TPMT: variants seen among roughly 807,000 people sequenced by gnomAD.
TPMT encodes the protein S-adenosyl-L-methionine:thiopurine S-methyltransferase.
A neutral mutation model predicts 34.2 loss-of-function variants in TPMT; 18 were observed. The ratio of observed to expected loss-of-function variants is 0.53; its 90% CI spans 0.36 to 0.78. TPMT has a LOEUF of 0.78. Among genes scored for constraint, TPMT ranks in the 30% least tolerant of loss-of-function variants. The probability of loss-of-function intolerance (pLI) is 0.00; values close to 1 mark genes in which losing one functional copy is unlikely to be tolerated. For missense variants in TPMT, 265 were observed against 288.1 expected, an observed-to-expected ratio of 0.92 and a Z score of 0.58; for synonymous variants, 69 against 92.4, an observed-to-expected ratio of 0.75 and a Z score of 1.45.
intron 6 of TPMT, among the ~76,000 whole-genome samples, chr6:18,134,319 G>A (rs1460129759): frequency 6.6e-6 from 1 of 152,232 alleles, no homozygotes; most frequent in African/African-American, 2.4e-5. Context: ...CCCACAGACC[G>A]ATGCAGTTAG....
intron 1 of TPMT, among the ~76,000 whole-genome samples, chr6:18,152,541 C>A (rs997791809): frequency 6.6e-6 from 1 of 151,706 alleles, no homozygotes; most frequent in Non-Finnish European, 1.5e-5. Context: ...CAATAAAATT[C>A]AAAGCCTCTC....
chr6:18,142,478 T>A (rs1343612621), intron 4 of TPMT, among the ~76,000 whole-genome samples: 1 of 152,110 alleles, frequency 6.6e-6, no homozygotes, highest in Non-Finnish European at 1.5e-5. Flanking sequence ...CCAGCTTCCC[T>A]GTGCCAACAG....
At chr6:18,147,561 G>A (rs1446727405) in intron 3 of TPMT, among the ~76,000 whole-genome samples, 1 of 152,054 alleles carries the variant, frequency 6.6e-6, no homozygotes, top group Non-Finnish European at 1.5e-5. Context: ...AATGTAAAAG[G>A]GAAGGCTGTT....
rs771367866 is a variant in TPMT at position 18,132,119 on chromosome 6, G to C, written c.625+14C>G. ...CTTTGTTTAAAAAGTTACAGCATAA[G>C]TCCACAAACTTACCAAACAACCTTT... On this transcript the variant is annotated intron_variant, in intron 8 of 8. Coordinates refer to ENST00000309983, the MANE Select transcript of TPMT (RefSeq NM_000367.5). This position sits in a 1 kb window ranked among gnomAD's most constrained non-coding sequence, Gnocchi z 4.8. 3.1e-6 allele frequency: 5 copies of C among 1,613,878 alleles called. No individual in the cohort carries two copies. The East Asian group carries it at 8.9e-5, about 29-fold the overall frequency.
intron 1 of TPMT, among the ~76,000 whole-genome samples, chr6:18,151,898 G>C (rs961986903): frequency 6.6e-6 from 1 of 152,178 alleles, no homozygotes; most frequent in Non-Finnish European, 1.5e-5. Context: ...CCAGCATCCA[G>C]TTTGCTGTAT....
Position 18,153,033 on chromosome 6 carries a change from C to T in TPMT, c.-45+2000G>A, listed in dbSNP as rs1784383947. Among the ~76,000 whole-genome samples the T allele has an allele frequency of 6.6e-6, 1 of 152,170 alleles. No homozygotes were observed. The highest frequency in any genetic ancestry group is 6.5e-5 in the Admixed American group (1 of 15,282). On this transcript the variant is annotated intron_variant, in intron 1 of 8. Transcript: ENST00000309983. This position sits in a 1 kb window ranked among gnomAD's most constrained non-coding sequence, Gnocchi z 4.2. ...ACCGCCATTTTTTGTGCATGGTACC[C>T]ATGAAGCTCAATTACTCATGGGTAC...
chr6:18,143,692 T>A lies in TPMT; in HGVS notation c.270A>T (p.Glu90Asp). 1 of 1,614,118 alleles carries A rather than the reference T, an allele frequency of 6.2e-7. No homozygotes were observed. Among genetic ancestry groups the A allele is most frequent in the South Asian group, 1.1e-5 (1 of 91,084 alleles). The change falls in exon 4 of 9, where the codon GAA (glutamate) becomes GAT (aspartate). Residue 90 changes from glutamate to aspartate, a missense_variant. By Grantham distance (45) the Glu-to-Asp change is conservative. Coordinates refer to ENST00000309983, the MANE Select transcript of TPMT (RefSeq NM_000367.5). This position sits in a 1 kb window ranked among gnomAD's most constrained non-coding sequence, Gnocchi z 6.1. ...ATTCTTGTATCCCAAGTTCACTGATTTCCACACCAACTACACTGTGTCCCC... is the reference window on the plus strand; with the variant it reads ...ATTCTTGTATCCCAAGTTCACTGATATCCACACCAACTACACTGTGTCCCC... ...ADRGHSVVGV[E>D]ISELGIQEFF...
intron 1 of TPMT, among the ~76,000 whole-genome samples, chr6:18,152,588 T>C (rs1444541079): frequency 6.6e-6 from 1 of 150,672 alleles, no homozygotes; most frequent in East Asian, 1.9e-4. Context: ...CTTTTCTTTC[T>C]TTCTTTTTTT....
chr6:18,137,846 C>T (rs546834991), intron 6 of TPMT, among the ~76,000 whole-genome samples: 88 of 152,246 alleles, frequency 5.8e-4, no homozygotes, highest in African/African-American at 2.1e-3. Flanking sequence ...AGTGCAATGG[C>T]GCCATCTTGG....
chr6:18,137,781 CTTTAT>C (rs1257517867), intron 6 of TPMT, among the ~76,000 whole-genome samples: 2 of 151,990 alleles, frequency 1.3e-5, no homozygotes, highest in Non-Finnish European at 2.9e-5. Flanking sequence ...TGAGTGTGGA[CTTTAT>C]TTTATTTCAT....
rs372287048 is a variant in TPMT at position 18,147,891 on chromosome 6, A to G, written c.165T>C (p.Thr55=). The change falls in exon 3 of 9, where the codon ACT becomes ACC. Residue 55 remains threonine (T), a synonymous_variant. Transcript: ENST00000309983. ...GHQLLKKHLD[T]FLKGKSGLRV... is the part of the protein sequence containing the mutation. ...TCAGTCCACTCTTGCCTTTAAGGAA[A>G]GTATCTAAATGCTTCTTTAATAGCC... 1 of 1,613,930 alleles carries G rather than the reference A, an allele frequency of 6.2e-7. No homozygotes were observed. The highest frequency in any genetic ancestry group is 1.3e-5 in the African/African-American group (1 of 75,040).
chr6:18,132,069 G>A lies in TPMT; in HGVS notation c.625+64C>T, dbSNP rs116475442. On this transcript the variant is annotated intron_variant, in intron 8 of 8. Transcript: ENST00000309983. This position sits in a 1 kb window ranked among gnomAD's most constrained non-coding sequence, Gnocchi z 4.8. ...TGGAAATACAGGCATGAGCCAGCAC[G>A]CCAGGCCCAAAAGAGTTAACTTGAC... 2,271 of 1,568,342 alleles carry A rather than the reference G, an allele frequency of 1.4e-3. 27 individuals carry two copies. In the African/African-American group the frequency reaches 0.026, roughly 18 times the overall value.
At position 18,136,587 on chromosome 6, in the gene TPMT, C is replaced by T. The variant is rs140611783; in HGVS notation, c.494+2376G>A. On this transcript the variant is annotated intron_variant, in intron 6 of 8. Transcript: ENST00000309983. The surrounding 1 kb of genome is among the most constrained non-coding windows in gnomAD (Gnocchi z 4.7). ...CACCGGGTGGCCGAGGCGGGTGGAT[C>T]AGCTGGGGTCCGGAGTTCGAGACCA... Among the ~76,000 whole-genome samples, 289 of 152,270 alleles carry T rather than the reference C, an allele frequency of 1.9e-3. 1 individual carries two copies. The highest frequency in any genetic ancestry group is 6.6e-3 in the African/African-American group (274 of 41,546).
Position 18,146,881 on chromosome 6 carries a change from A to T in TPMT, c.233+942T>A, listed in dbSNP as rs1433443660. Among the ~76,000 whole-genome samples the T allele has an allele frequency of 1.3e-5, 2 of 152,052 alleles. No individual in the cohort carries two copies. The highest frequency in any genetic ancestry group is 2.9e-5 in the Non-Finnish European group (2 of 68,010). Reference sequence around the variant, plus strand: ...ATCAACTCCCAAAAAATGCATGCATACTCTGCGTTAGTCACCGATATTTAT... The same window carrying T: ...ATCAACTCCCAAAAAATGCATGCATTCTCTGCGTTAGTCACCGATATTTAT... On this transcript the variant is annotated intron_variant, in intron 3 of 8. Coordinates refer to ENST00000309983, the MANE Select transcript of TPMT (RefSeq NM_000367.5). The surrounding 1 kb of genome is among the most constrained non-coding windows in gnomAD (Gnocchi z 6.2).
rs965144050 is a variant in TPMT at position 18,143,162 on chromosome 6, C to A, written c.366+434G>T. On this transcript the variant is annotated intron_variant, in intron 4 of 8. Transcript: ENST00000309983. This position sits in a 1 kb window ranked among gnomAD's most constrained non-coding sequence, Gnocchi z 6.1. ...AACTCCCATCTCTTCCCTTAATACC[C>A]TGTGTCTTTACACTTAGCTCCATGC... is the stretch of plus-strand genomic sequence containing the variant. 6.6e-6 allele frequency among the ~76,000 whole-genome samples: 1 copy of A among 152,200 alleles called. No homozygotes were observed. The highest frequency in any genetic ancestry group is 2.4e-5 in the African/African-American group (1 of 41,452).
rs868634125 is a variant in TPMT at position 18,132,120 on chromosome 6, T to G, written c.625+13A>C. On this transcript the variant is annotated intron_variant, in intron 8 of 8. Transcript: ENST00000309983. The surrounding 1 kb of genome is among the most constrained non-coding windows in gnomAD (Gnocchi z 4.8). ...TTTGTTTAAAAAGTTACAGCATAAG[T>G]CCACAAACTTACCAAACAACCTTTC... 9 of 1,613,754 alleles carry G rather than the reference T, an allele frequency of 5.6e-6. No homozygotes were observed. The highest frequency in any genetic ancestry group is 7.6e-6 in the Non-Finnish European group (9 of 1,179,850).
chr6:18,141,512 G>C (rs1244832725), intron 4 of TPMT, among the ~76,000 whole-genome samples: 1 of 151,958 alleles, frequency 6.6e-6, no homozygotes, highest in Non-Finnish European at 1.5e-5. Context: ...GCTAATTTTT[G>C]CATTTTTAGT....
Position 18,150,102 on chromosome 6 carries a change from C to T in TPMT, c.-44-931G>A, listed in dbSNP as rs1161495951. ...CTCACTTAGACACCAGTTGCAAGTCCAGGCCTCCACTGGCTTCAAGTTGGG... is the reference window on the plus strand; with the variant it reads ...CTCACTTAGACACCAGTTGCAAGTCTAGGCCTCCACTGGCTTCAAGTTGGG... On this transcript the variant is annotated intron_variant, in intron 1 of 8. Transcript: ENST00000309983. The surrounding 1 kb of genome is among the most constrained non-coding windows in gnomAD (Gnocchi z 5.3). Among the ~76,000 whole-genome samples the T allele has an allele frequency of 4.6e-5, 7 of 152,202 alleles. No individual in the cohort carries two copies. The highest frequency in any genetic ancestry group is 1.7e-4 in the African/African-American group (7 of 41,432).
Position 18,153,460 on chromosome 6 carries a change from A to G in TPMT, c.-45+1573T>C, listed in dbSNP as rs1271918900. On this transcript the variant is annotated intron_variant, in intron 1 of 8. Coordinates refer to ENST00000309983, the MANE Select transcript of TPMT (RefSeq NM_000367.5). This position sits in a 1 kb window ranked among gnomAD's most constrained non-coding sequence, Gnocchi z 4.2. Reference sequence around the variant, plus strand: ...CTAGCATGCTATTATTGGTGGTTCTAATTTAATGATTAATCTGTGAAATAG... The same window carrying G: ...CTAGCATGCTATTATTGGTGGTTCTGATTTAATGATTAATCTGTGAAATAG... Among the ~76,000 whole-genome samples the G allele has an allele frequency of 1.3e-5, 2 of 152,238 alleles. No individual in the cohort carries two copies. Among genetic ancestry groups the G allele is most frequent in the African/African-American group, 2.4e-5 (1 of 41,460 alleles).
Sources: gnomAD v4.1 joint callset for allele counts (sites outside exome capture counted in the v4.1 genomes callset) on GRCh38, gnomAD v4.1.1 for gene constraint, Gnocchi (gnomAD v3.1) non-coding constraint, MANE v1.5 for transcripts, NCBI Gene and HGNC (gene_info 2026-07-23, HGNC 2026-07-21) for gene names.